Variants in DST observed in about 807,000 individuals in gnomAD.
DST encodes bullous pemphigoid antigen.
In DST, 253 loss-of-function variants were observed where a neutral mutation model predicts 875.2. The ratio of observed to expected loss-of-function variants is 0.29; its 90% CI spans 0.26 to 0.32. The LOEUF (loss-of-function observed/expected upper bound fraction) is 0.32. Among genes scored for constraint, DST ranks in the 10% least tolerant of loss-of-function variants. DST has a pLI of 1.00. For synonymous variants in DST, 3,124 were observed against 3,197.1 expected (o/e 0.98, Z 0.77); for missense variants, 8,287 against 9,111.6 (o/e 0.91, Z 3.68).
chr6:56,666,573 A>C (rs2099073389), intron 10 of DST, among the ~76,000 whole-genome samples: 1 of 152,176 alleles, frequency 6.6e-6, no homozygotes, highest in East Asian at 1.9e-4. Context: ...GCCACCTCAG[A>C]TAATTTTTAT....
chr6:56,569,373 TG>T (rs113935192), intron 54 of DST, among the ~76,000 whole-genome samples: 2 of 139,432 alleles, frequency 1.4e-5, no homozygotes, highest in South Asian at 2.3e-4. Flanking sequence ...AAATTTGGAA[TG>T]GGGGAAAAAA....
Position 56,636,420 on chromosome 6 carries a change from A to ACG in DST, c.3060+136_3060+137insCG, listed in dbSNP as rs1271154719. Reference sequence around the variant, plus strand: ...TATGTGTGTATATATATACACACATATATGTGTATATATATATGTGTGTAT... The same window carrying ACG: ...TATGTGTGTATATATATACACACATACGTATGTGTATATATATATGTGTGTAT... On this transcript the variant is annotated intron_variant, in intron 23 of 103. Transcript: ENST00000680361. 98 of 685,328 alleles carry ACG rather than the reference A, an allele frequency of 1.4e-4. No individual in the cohort carries two copies. In the African/African-American group the frequency reaches 1.6e-3, roughly 11 times the overall value. 42.5% of individuals were successfully genotyped at this position (685,328 alleles called of 1,614,324 possible).
intron 2 of DST, among the ~76,000 whole-genome samples, chr6:56,910,096 C>T (rs2127714990): frequency 1.3e-5 from 2 of 152,284 alleles, no homozygotes; most frequent in South Asian, 4.1e-4. Flanking sequence ...TGGTATAGAA[C>T]ATTGGTCCCT....
At chr6:56,461,799 C>T (rs2094344820) in intron 102 of DST, 1 of 152,120 alleles carries the variant, frequency 6.6e-6, no homozygotes, top group Non-Finnish European at 1.5e-5. Flanking sequence ...ATAATAGATC[C>T]ATAATAATTG....
chr6:56,657,570 G>A (rs761598727), intron 10 of DST, among the ~76,000 whole-genome samples: 11 of 152,086 alleles, frequency 7.2e-5, no homozygotes, highest in Non-Finnish European at 1.0e-4. Flanking sequence ...GGTTGTCAAC[G>A]GGTGGGGGGA....
At chr6:56,637,336 G>A (rs1236757006) in intron 22 of DST, among the ~76,000 whole-genome samples, 1 of 152,116 alleles carries the variant, frequency 6.6e-6, no homozygotes, top group Non-Finnish European at 1.5e-5. Context: ...TATCCCTCCT[G>A]TTTACAAAAC....
chr6:56,922,003 T>C (rs1355849750), intron 2 of DST, among the ~76,000 whole-genome samples: 5 of 152,148 alleles, frequency 3.3e-5, no homozygotes, highest in Admixed American at 3.3e-4. Flanking sequence ...TTTACGAAAT[T>C]ATTTCCTTAA....
At position 56,720,895 on chromosome 6, in the gene DST, G is replaced by T. The variant is rs539706157; in HGVS notation, c.687+14333C>A. Among the ~76,000 whole-genome samples the T allele has an allele frequency of 2.0e-5, 3 of 147,786 alleles. No individual in the cohort carries two copies. In the South Asian group the frequency reaches 6.2e-4, roughly 31 times the overall value. On this transcript the variant is annotated intron_variant, in intron 5 of 103. Transcript: ENST00000680361. ...CACCTCCCAGACAGGGTGGCGGCCG[G>T]GCAGAGGGGCTCCTCACTTCCCAGA...
At chr6:56,940,632 T>C (rs1034703155) in intron 2 of DST, among the ~76,000 whole-genome samples, 9 of 151,888 alleles carry the variant, frequency 5.9e-5, no homozygotes, top group Non-Finnish European at 1.3e-4. Context: ...CAGGGCGGAG[T>C]GCAGTGGCGC....
chr6:56,638,927 G>C (rs2098851243), intron 22 of DST: 1 of 355,670 alleles, frequency 2.8e-6, no homozygotes, highest in South Asian at 2.9e-5. Context: ...GTAGGAAAAT[G>C]AGGCTTGGCA....
At chr6:56,901,966 A>T (rs940977267) in intron 2 of DST, among the ~76,000 whole-genome samples, 2 of 152,260 alleles carry the variant, frequency 1.3e-5, no homozygotes, top group African/African-American at 4.8e-5. Flanking sequence ...AAAGTGGTTA[A>T]AGTAGTAGAC....
chr6:56,608,978 T>C lies in DST; in HGVS notation c.5650A>G (p.Ile1884Val), dbSNP rs369244557. Residue 1884 changes from isoleucine (I) to valine (V), a missense_variant, in exon 40 of 104, where the codon ATT becomes GTT. Physicochemically the swap from Ile to Val is conservative, Grantham distance 29. Coordinates refer to ENST00000680361, the MANE Select transcript of DST (RefSeq NM_001374736.1). ...GTCAACTGTTCTCCTGTGGCTGGAATAACCAGAGAGCCTGTAGAAAGCAGT... is the reference window on the plus strand; with the variant it reads ...GTCAACTGTTCTCCTGTGGCTGGAACAACCAGAGAGCCTGTAGAAAGCAGT... ...EILLSTGSLV[I>V]PATGEQLTLQ... 4.5e-5 allele frequency: 72 copies of C among 1,613,780 alleles called. 2 individuals are homozygous for C. The Middle Eastern group carries it at 6.6e-4, about 15-fold the overall frequency.
At chr6:56,690,838 G>A (rs2099223552) in intron 9 of DST, among the ~76,000 whole-genome samples, 2 of 152,168 alleles carry the variant, frequency 1.3e-5, no homozygotes, top group South Asian at 2.1e-4. Flanking sequence ...CACCTCCAAG[G>A]TAACAGGAAG....
At chr6:56,805,125 T>C (rs943982443) in intron 4 of DST, among the ~76,000 whole-genome samples, 14 of 152,140 alleles carry the variant, frequency 9.2e-5, no homozygotes, top group Admixed American at 3.3e-4. Context: ...TCAAGCTAAG[T>C]TGATAAATAA....
chr6:56,662,710 C>A (rs1287977078), intron 10 of DST, among the ~76,000 whole-genome samples: 1 of 152,074 alleles, frequency 6.6e-6, no homozygotes, highest in Non-Finnish European at 1.5e-5. Flanking sequence ...GAGGCCAAGG[C>A]AGGTGGATCA....
At position 56,516,121 on chromosome 6, in the gene DST, AAGAG is replaced by A. The variant is rs1281311203; in HGVS notation, c.18358-457_18358-454del. Among the ~76,000 whole-genome samples, 49 of 123,614 alleles carry A rather than the reference AAGAG, an allele frequency of 4.0e-4. 1 individual carries two copies. Among genetic ancestry groups the A allele is most frequent in the Non-Finnish European group, 1.6e-4 (9 of 57,380 alleles). The allele number at this position is 123,614 out of a possible 152,430, so 81.1% of individuals were successfully genotyped here. A position where few individuals can be genotyped will look rare whatever the true frequency, so the allele number is the denominator to read the frequency against. On this transcript the variant is annotated intron_variant, in intron 71 of 103. Coordinates refer to ENST00000680361, the MANE Select transcript of DST (RefSeq NM_001374736.1). ...ATGTGTGTGTGTATATATATATAGAAAGAGAGAGAGGGAGAGAGAGAGAGAGAAA... is the reference window on the plus strand; with the variant it reads ...ATGTGTGTGTGTATATATATATAGAAAGAGAGGGAGAGAGAGAGAGAGAAA...
At chr6:56,483,909 C>T (rs1272563800) in intron 88 of DST, 3 of 151,996 alleles carry the variant, frequency 2.0e-5, no homozygotes, top group African/African-American at 7.2e-5. Context: ...ACGTATACAC[C>T]AATACACACA....
chr6:56,644,358 CAGGT>C (rs2098930023), intron 15 of DST, among the ~76,000 whole-genome samples: 2 of 152,100 alleles, frequency 1.3e-5, no homozygotes, highest in Non-Finnish European at 2.9e-5. Context: ...AAAGGACTGA[CAGGT>C]TAGACATGCT....
rs760670144 is a variant in DST, at chr6:56,608,957, A to G, written c.5671T>C (p.Leu1891=). 2.2e-5 allele frequency: 36 copies of G among 1,613,774 alleles called. No individual in the cohort carries two copies. Among genetic ancestry groups the G allele is most frequent in the Non-Finnish European group, 3.0e-5 (35 of 1,179,838 alleles). ...SLVIPATGEQ[L]TLQKAFQQNL... is the part of the protein sequence containing the mutation. ...TGTTGGAAAGCCTTCTGTAGGGTCAACTGTTCTCCTGTGGCTGGAATAACC... is the reference window on the plus strand; with the variant it reads ...TGTTGGAAAGCCTTCTGTAGGGTCAGCTGTTCTCCTGTGGCTGGAATAACC... Residue 1891 remains leucine, a synonymous_variant, in exon 40 of 104, where the codon TTG becomes CTG. Coordinates refer to ENST00000680361, the MANE Select transcript of DST (RefSeq NM_001374736.1).
Sources: gnomAD v4.1 joint callset for allele counts (sites outside exome capture counted in the v4.1 genomes callset) on GRCh38, gnomAD v4.1.1 for gene constraint, MANE v1.5 for transcripts, NCBI Gene and HGNC (gene_info 2026-07-23, HGNC 2026-07-21) for gene names.